The following GAREM1 variants were observed in gnomAD, a reference collection of about 807,000 sequenced individuals.
The protein encoded by GAREM1 is GRB2-associated and regulator of MAPK protein 1.
GAREM1 carries 26 observed loss-of-function variants against 71.3 expected under a neutral mutation model. The observed-to-expected ratio is 0.36, with a 90% CI of 0.27 to 0.51. The LOEUF (loss-of-function observed/expected upper bound fraction) is 0.51, where lower values mean the gene tolerates loss of function less well. GAREM1 is among the 20% of genes least tolerant of loss of function. The pLI is 0.95. For missense variants in GAREM1, 1,026 were observed against 1,103.1 expected (o/e 0.93, Z 0.99); for synonymous variants, 440 against 433.2 (o/e 1.02, Z -0.20).
intron 3 of GAREM1, among the ~76,000 whole-genome samples, chr18:32,288,429 T>C (rs1462593795): frequency 1.3e-5 from 2 of 152,184 alleles, no homozygotes; most frequent in Non-Finnish European, 2.9e-5. Flanking sequence ...CTCTTTTCTC[T>C]ATATATGCAG....
At chr18:32,435,664 ATGT>A (rs1158322549) in intron 1 of GAREM1, among the ~76,000 whole-genome samples, 15 of 152,154 alleles carry the variant, frequency 9.9e-5, no homozygotes, top group African/African-American at 3.6e-4. Flanking sequence ...GTTTTAGAAA[ATGT>A]TGTTATGTGA....
chr18:32,320,480 G>A (rs1567963363), intron 2 of GAREM1, among the ~76,000 whole-genome samples: 1 of 152,020 alleles, frequency 6.6e-6, no homozygotes, highest in Non-Finnish European at 1.5e-5. Flanking sequence ...AAGTGGAGTT[G>A]GGGGAAAGGA....
In GAREM1 at chr18:32,287,883, G is replaced by A; in HGVS notation, c.714C>T (p.Asn238=). Residue 238 remains asparagine (N), a synonymous_variant, in exon 4 of 6, where the codon AAC becomes AAT. Transcript: ENST00000269209. This position sits in a 1 kb window ranked among gnomAD's most constrained non-coding sequence, Gnocchi z 5.9. ...QMQEGEHTIR[N]IVEKTRLPVN... The stretch of plus-strand genomic sequence containing the variant: ...CAGGAAGCCTGGTTTTCTCCACAAT[G>A]TTGCGGATGGTGTGTTCGCCCTCTT... The A allele has an allele frequency of 1.9e-6, 3 of 1,614,052 alleles. No homozygotes were observed. Among genetic ancestry groups the A allele is most frequent in the Non-Finnish European group, 2.5e-6 (3 of 1,180,016 alleles).
intron 2 of GAREM1, among the ~76,000 whole-genome samples, chr18:32,381,820 C>T (rs2048100542): frequency 6.6e-6 from 1 of 152,228 alleles, no homozygotes; most frequent in South Asian, 2.1e-4. Context: ...CTCCTAAATA[C>T]TCCTTCCCCT....
At chr18:32,354,718 T>G (rs931734483) in intron 2 of GAREM1, among the ~76,000 whole-genome samples, 3 of 152,210 alleles carry the variant, frequency 2.0e-5, no homozygotes, top group Admixed American at 6.5e-5. Flanking sequence ...GCTGAGGTCA[T>G]GAAGCAGAGC....
chr18:32,319,314 T>C (rs1218492791), intron 2 of GAREM1, among the ~76,000 whole-genome samples: 1 of 152,216 alleles, frequency 6.6e-6, no homozygotes, highest in Non-Finnish European at 1.5e-5. Flanking sequence ...GGTAGGAATG[T>C]GGACTTACAA....
intron 1 of GAREM1, among the ~76,000 whole-genome samples, chr18:32,404,608 A>G (rs16963334): frequency 0.13 from 20,421 of 152,250 alleles, 1,591 homozygotes; most frequent in African/African-American, 0.21. Context: ...TAGAGTAACT[A>G]GCTTGGTCAA....
At chr18:32,359,883 A>C (rs2047847455) in intron 2 of GAREM1, among the ~76,000 whole-genome samples, 3 of 152,020 alleles carry the variant, frequency 2.0e-5, no homozygotes, top group Admixed American at 6.6e-5. Context: ...CTGTGATTGC[A>C]CCACCACACT....
intron 2 of GAREM1, among the ~76,000 whole-genome samples, chr18:32,341,086 G>C (rs2047642908): frequency 6.6e-6 from 1 of 152,038 alleles, no homozygotes; most frequent in Non-Finnish European, 1.5e-5. Flanking sequence ...CCATTAACTT[G>C]TCATTTACAT....
chr18:32,323,733 A>C (rs2047451043), intron 2 of GAREM1, among the ~76,000 whole-genome samples: 2 of 152,178 alleles, frequency 1.3e-5, no homozygotes, highest in Admixed American at 1.3e-4. Flanking sequence ...ATAATCAATC[A>C]AGGTTCCAAT....
chr18:32,335,130 C>T (rs1188754438), intron 2 of GAREM1, among the ~76,000 whole-genome samples: 1 of 152,228 alleles, frequency 6.6e-6, no homozygotes, highest in African/African-American at 2.4e-5. Context: ...AAAGAACTCA[C>T]TCAAGGCAAC....
Position 32,268,187 on chromosome 18 carries a change from C to A in GAREM1, c.2315G>T (p.Gly772Val), listed in dbSNP as rs368635402. 1.1e-5 allele frequency: 17 copies of A among 1,614,136 alleles called. No individual in the cohort carries two copies. The highest frequency in any genetic ancestry group is 1.4e-5 in the Non-Finnish European group (16 of 1,180,032). ...LSEDQYFVKK[G>V]MQDIFSASYP... Reference sequence around the variant, plus strand: ...GGAGGCAGAGAAGATGTCCTGCATGCCCTTTTTAACAAAATACTGGTCCTC... The same window carrying A: ...GGAGGCAGAGAAGATGTCCTGCATGACCTTTTTAACAAAATACTGGTCCTC... The change falls in exon 6 of 6, where the codon GGC becomes GTC. Residue 772 changes from glycine (G) to valine (V), a missense_variant. Transcript: ENST00000269209.
At chr18:32,455,982 T>A (rs1457512536) in intron 1 of GAREM1, among the ~76,000 whole-genome samples, 1 of 151,958 alleles carries the variant, frequency 6.6e-6, no homozygotes, top group Non-Finnish European at 1.5e-5. Context: ...GAAAAAAAAA[T>A]CTTATATCAT....
In GAREM1 at chr18:32,466,266, C is replaced by T. The variant is rs528315675; in HGVS notation, c.121+4042G>A. ...TACACTGAGACAGAATTCTATACAG[C>T]GGAAGAGAAATGGAGTAAGAATTTA... On this transcript the variant is annotated intron_variant, in intron 1 of 5. Coordinates refer to ENST00000269209, the MANE Select transcript of GAREM1 (RefSeq NM_001242409.2). Among the ~76,000 whole-genome samples, 27 of 150,516 alleles carry T rather than the reference C, an allele frequency of 1.8e-4. No individual in the cohort carries two copies. In the Middle Eastern group the frequency reaches 0.017, roughly 95 times the overall value.
intron 1 of GAREM1, among the ~76,000 whole-genome samples, chr18:32,450,932 A>G (rs1167850162): frequency 6.6e-6 from 1 of 152,054 alleles, no homozygotes; most frequent in Non-Finnish European, 1.5e-5. Flanking sequence ...GAACTGCTTG[A>G]GCCCAGGAGA....
intron 2 of GAREM1, among the ~76,000 whole-genome samples, chr18:32,370,665 A>C (rs934026849): frequency 4.6e-5 from 7 of 152,210 alleles, no homozygotes; most frequent in African/African-American, 1.7e-4. Context: ...ATTGAGCACA[A>C]TTCTCTTCAT....
intron 2 of GAREM1, among the ~76,000 whole-genome samples, chr18:32,323,522 T>C (rs759571690): frequency 6.6e-6 from 1 of 152,116 alleles, no homozygotes; most frequent in Non-Finnish European, 1.5e-5. Context: ...GGCCAGGAGT[T>C]CGAGACCAGC....
chr18:32,323,378 G>A (rs557965433), intron 2 of GAREM1, among the ~76,000 whole-genome samples: 77 of 152,306 alleles, frequency 5.1e-4, no homozygotes, highest in Admixed American at 1.4e-3. Context: ...TCCTGAAGTG[G>A]AAGGCTACTC....
intron 1 of GAREM1, among the ~76,000 whole-genome samples, chr18:32,440,045 T>C (rs896473041): frequency 6.6e-6 from 1 of 152,210 alleles, no homozygotes; most frequent in East Asian, 1.9e-4. Context: ...TCTCTCTCTG[T>C]TGGCTGGCCT....
Sources: gnomAD v4.1 joint callset for allele counts (sites outside exome capture counted in the v4.1 genomes callset) on GRCh38, gnomAD v4.1.1 for gene constraint, Gnocchi (gnomAD v3.1) non-coding constraint, MANE v1.5 for transcripts, NCBI Gene and HGNC (gene_info 2026-07-23, HGNC 2026-07-21) for gene names.